Variants in DLG2 observed in about 807,000 individuals in gnomAD.
DLG2 encodes discs large MAGUK scaffold protein 2, also known as disks large homolog 2.
In DLG2, 45 loss-of-function variants were observed where a neutral mutation model predicts 132.5. The observed-to-expected ratio is 0.34, with a 90% CI of 0.27 to 0.44. The LOEUF (loss-of-function observed/expected upper bound fraction) is 0.44. Ranked by LOEUF, DLG2 falls within the 20% of genes least tolerant of loss-of-function variation. The pLI is 1.00. For missense variants in DLG2, 1,045 were observed against 1,196.9 expected (o/e 0.87, Z 1.87); for synonymous variants, 424 against 419.6 (o/e 1.01, Z -0.13).
At chr11:85,489,036 G>A (rs1031137677) in intron 3 of DLG2, among the ~76,000 whole-genome samples, 2 of 151,634 alleles carry the variant, frequency 1.3e-5, no homozygotes, top group African/African-American at 2.4e-5. Flanking sequence ...AAAACAACCA[G>A]AAAAAATTAA....
intron 18 of DLG2, among the ~76,000 whole-genome samples, chr11:83,762,336 G>A (rs1231747113): frequency 2.0e-5 from 3 of 152,190 alleles, no homozygotes; most frequent in African/African-American, 7.2e-5. Context: ...CTATGTGACA[G>A]AGCAGGGAAG....
chr11:83,794,436 G>GTTTTTTTTTTTT (rs1566986420), intron 17 of DLG2, among the ~76,000 whole-genome samples: 2 of 90,004 alleles, frequency 2.2e-5, no homozygotes, highest in African/African-American at 1.0e-4. Flanking sequence ...ATTTACTATT[G>GTTTTTTTTTTTT]GTTTTTTTTT....
At chr11:85,443,719 G>T (rs1432011565) in intron 3 of DLG2, among the ~76,000 whole-genome samples, 1 of 152,130 alleles carries the variant, frequency 6.6e-6, no homozygotes, top group South Asian at 2.1e-4. Flanking sequence ...GCAAATGAAA[G>T]AACATTTTTT....
chr11:85,358,485 C>T (rs2083908944), intron 3 of DLG2, among the ~76,000 whole-genome samples: 1 of 152,180 alleles, frequency 6.6e-6, no homozygotes, highest in Non-Finnish European at 1.5e-5. Context: ...AGCACTGAAC[C>T]ATGCTCTAAA....
At chr11:84,628,563 GCTTAT>G (rs1422813183) in intron 6 of DLG2, among the ~76,000 whole-genome samples, 1 of 152,016 alleles carries the variant, frequency 6.6e-6, no homozygotes, top group Non-Finnish European at 1.5e-5. Context: ...ATGCATTTTT[GCTTAT>G]CTTCACATCT....
chr11:83,767,609 C>A (rs1353651636), intron 18 of DLG2, among the ~76,000 whole-genome samples: 1 of 152,152 alleles, frequency 6.6e-6, no homozygotes. Context: ...AGTTATTGAG[C>A]CTTTCTGTGC....
chr11:84,117,313 A>G (rs1399702652), intron 9 of DLG2, among the ~76,000 whole-genome samples: 1 of 152,160 alleles, frequency 6.6e-6, no homozygotes. Context: ...GATCTATCCT[A>G]GTCATTCCGA....
chr11:84,912,229 C>T (rs952659991), intron 6 of DLG2, among the ~76,000 whole-genome samples: 2 of 152,208 alleles, frequency 1.3e-5, no homozygotes, highest in African/African-American at 4.8e-5. Context: ...GATCTCGGCT[C>T]ACTGCAAGCG....
chr11:85,412,750 CACACACACACAT>C (rs1311628510), intron 3 of DLG2, among the ~76,000 whole-genome samples: 11 of 139,404 alleles, frequency 7.9e-5, no homozygotes, highest in Admixed American at 1.5e-4. Context: ...CACACACACA[CACACACACACAT>C]ATATATATAT....
At chr11:85,192,810 G>A (rs891889743) in intron 4 of DLG2, among the ~76,000 whole-genome samples, 1 of 151,984 alleles carries the variant, frequency 6.6e-6, no homozygotes, top group African/African-American at 2.4e-5. Context: ...TGCTTAAACC[G>A]GCACGGTAAT....
chr11:84,250,916 G>C (rs1414520894), intron 8 of DLG2, among the ~76,000 whole-genome samples: 1 of 152,100 alleles, frequency 6.6e-6, no homozygotes, highest in Admixed American at 6.6e-5. Flanking sequence ...CCTTTTATAA[G>C]AAACCCAAAG....
intron 6 of DLG2, among the ~76,000 whole-genome samples, chr11:84,794,961 G>A (rs1344932867): frequency 2.0e-5 from 3 of 152,208 alleles, no homozygotes; most frequent in Admixed American, 6.5e-5. Context: ...GCAGCAGGAG[G>A]CAGATAAGCT....
chr11:85,518,659 G>C (rs561065437), intron 3 of DLG2, among the ~76,000 whole-genome samples: 1 of 152,314 alleles, frequency 6.6e-6, no homozygotes, highest in African/African-American at 2.4e-5. Context: ...GCAGAAATTT[G>C]CATAAGCAAC....
chr11:84,310,250 A>G (rs771557829), intron 7 of DLG2, among the ~76,000 whole-genome samples: 4 of 152,184 alleles, frequency 2.6e-5, no homozygotes, highest in Non-Finnish European at 5.9e-5. Flanking sequence ...GGTGGAGAGA[A>G]TAAGGAAGTC....
intron 7 of DLG2, among the ~76,000 whole-genome samples, chr11:84,283,433 C>T (rs1200892766): frequency 6.6e-6 from 1 of 152,146 alleles, no homozygotes; most frequent in African/African-American, 2.4e-5. Flanking sequence ...GAACCTGGCA[C>T]ATAGTAAGCA....
At chr11:84,111,932 C>G (rs1334645184) in intron 9 of DLG2, among the ~76,000 whole-genome samples, 1 of 152,108 alleles carries the variant, frequency 6.6e-6, no homozygotes, top group Non-Finnish European at 1.5e-5. Context: ...TTTCCACTGC[C>G]TCTATTTCCT....
intron 18 of DLG2, among the ~76,000 whole-genome samples, chr11:83,727,271 G>T (rs906646531): frequency 6.6e-6 from 1 of 152,086 alleles, no homozygotes; most frequent in Non-Finnish European, 1.5e-5. Flanking sequence ...TAAGTTGTAA[G>T]GGACCTCTTA....
At position 85,009,639 on chromosome 11, in the gene DLG2, T is replaced by C. The variant is rs148983582; in HGVS notation, c.357+102022A>G. ...CTTAACAACACAGAACTATTAATTA[T>C]TGAAACATTTTATTGTATATTACTA... On this transcript the variant is annotated intron_variant, in intron 6 of 27. Transcript: ENST00000376104. 1.4e-3 allele frequency among the ~76,000 whole-genome samples: 206 copies of C among 152,262 alleles called. 2 individuals are homozygous for C. The highest frequency in any genetic ancestry group is 4.6e-3 in the African/African-American group (192 of 41,582).
At chr11:84,393,123 GC>G (rs1445075885) in intron 7 of DLG2, among the ~76,000 whole-genome samples, 3 of 152,070 alleles carry the variant, frequency 2.0e-5, no homozygotes, top group Non-Finnish European at 4.4e-5. Context: ...AGACGGGATC[GC>G]CTTTGAATCA....
Sources: allele counts gnomAD v4.1 joint callset (sites outside exome capture counted in the v4.1 genomes callset), GRCh38; gene constraint gnomAD v4.1.1; transcripts MANE v1.5; gene names NCBI Gene and HGNC (gene_info 2026-07-23, HGNC 2026-07-21).